WIPF2: variants seen among roughly 807,000 people sequenced by gnomAD.
The protein encoded by WIPF2 is WAS/WASL interacting protein family member 2.
A neutral mutation model predicts 38.8 loss-of-function variants in WIPF2; 23 were observed. The ratio of observed to expected loss-of-function variants is 0.59; its 90% CI spans 0.43 to 0.84. The LOEUF (loss-of-function observed/expected upper bound fraction) is 0.84, where lower values mean the gene tolerates loss of function less well. WIPF2 is among the 40% of genes least tolerant of loss of function. The pLI is 0.00. For missense variants in WIPF2, 574 were observed against 580.5 expected (o/e 0.99, Z 0.11); for synonymous variants, 210 against 223.2 (o/e 0.94, Z 0.53).
chr17:40,251,610 A>AG (rs1291947425), intron 1 of WIPF2, among the ~76,000 whole-genome samples: 2 of 152,222 alleles, frequency 1.3e-5, no homozygotes, highest in Non-Finnish European at 2.9e-5. Context: ...ACTAATTTCC[A>AG]GGGGAGTTTT....
intron 1 of WIPF2, among the ~76,000 whole-genome samples, chr17:40,234,432 AAAACAAACAAAC>A (rs530530046): frequency 6.6e-6 from 1 of 151,486 alleles, no homozygotes; most frequent in African/African-American, 2.4e-5. Flanking sequence ...ACTCTGTCTC[AAAACAAACAAAC>A]AAACAAACAA....
chr17:40,226,206 AAAT>A (rs1354345042), intron 1 of WIPF2, among the ~76,000 whole-genome samples: 141 of 147,112 alleles, frequency 9.6e-4, no homozygotes, highest in African/African-American at 3.1e-3. Context: ...AAAAAAAAAA[AAAT>A]TTTTTTTTTT....
chr17:40,227,064 CAG>C (rs1567708332), intron 1 of WIPF2, among the ~76,000 whole-genome samples: 1 of 149,974 alleles, frequency 6.7e-6, no homozygotes, highest in African/African-American at 2.5e-5. Context: ...TTTTTTGAGA[CAG>C]AGTTTCACTG....
At chr17:40,250,275 A>G (rs7207344) in intron 1 of WIPF2, among the ~76,000 whole-genome samples, 118,585 of 118,596 alleles carry the variant, frequency 1, 59,287 homozygotes, top group Middle Eastern at 1. Context: ...TGTCAACCCA[A>G]GCTGGCGTGC....
chr17:40,240,760 C>T (rs1468965195), intron 1 of WIPF2, among the ~76,000 whole-genome samples: 2 of 151,610 alleles, frequency 1.3e-5, no homozygotes, highest in African/African-American at 2.4e-5. Context: ...CTGGCTAACA[C>T]AGTGAAACCC....
intron 6 of WIPF2, among the ~76,000 whole-genome samples, chr17:40,274,583 A>G (rs1219067941): frequency 4.1e-5 from 6 of 148,144 alleles, no homozygotes; most frequent in East Asian, 1.9e-4. Context: ...AAAAAAAAAA[A>G]AAAAAGAAAA....
intron 1 of WIPF2, among the ~76,000 whole-genome samples, chr17:40,224,927 T>G (rs1567707640): frequency 6.6e-6 from 1 of 151,898 alleles, no homozygotes; most frequent in Non-Finnish European, 1.5e-5. Flanking sequence ...CAAAGTAGGC[T>G]CTTGTTGCTA....
intron 1 of WIPF2, among the ~76,000 whole-genome samples, chr17:40,227,752 C>G (rs1469876869): frequency 1.3e-5 from 2 of 151,898 alleles, no homozygotes; most frequent in African/African-American, 4.8e-5. Flanking sequence ...ACTCGGGAGG[C>G]TGAGGCACAA....
intron 2 of WIPF2, among the ~76,000 whole-genome samples, chr17:40,258,027 C>T (rs2031783238): frequency 6.6e-6 from 1 of 152,132 alleles, no homozygotes; most frequent in Admixed American, 6.6e-5. Context: ...AGTTTTTAGA[C>T]ATTTTGTTTT....
In WIPF2 at chr17:40,260,521, C is replaced by A; in HGVS notation, c.64-14C>A. 1 of 1,613,240 alleles carries A rather than the reference C, an allele frequency of 6.2e-7. No homozygotes were observed. Among genetic ancestry groups the A allele is most frequent in the Non-Finnish European group, 8.5e-7 (1 of 1,179,640 alleles). ...AACTCTTTAGGGTGAACTTATATTT[C>A]TCTTATCCTCCAGGCAAACACAGAG... is the stretch of plus-strand genomic sequence containing the variant. On this transcript the variant is annotated splice_polypyrimidine_tract_variant and intron_variant, in intron 2 of 7. Transcript: ENST00000323571.
chr17:40,246,586 A>G (rs1269557281), intron 1 of WIPF2, among the ~76,000 whole-genome samples: 1 of 148,472 alleles, frequency 6.7e-6, no homozygotes, highest in Non-Finnish European at 1.5e-5. Context: ...TTTAGTAGAG[A>G]TGGTTTCACT....
At chr17:40,223,753 A>G (rs1311053963) in intron 1 of WIPF2, among the ~76,000 whole-genome samples, 2 of 151,538 alleles carry the variant, frequency 1.3e-5, no homozygotes, top group African/African-American at 2.4e-5. Flanking sequence ...ACGCCTGGCT[A>G]ATTTTTGTAT....
chr17:40,269,609 T>G (rs1171039798), intron 5 of WIPF2, among the ~76,000 whole-genome samples: 2 of 138,638 alleles, frequency 1.4e-5, no homozygotes, highest in African/African-American at 5.3e-5. Flanking sequence ...TCTTTTTTTT[T>G]TTTTTTTTTT....
intron 1 of WIPF2, among the ~76,000 whole-genome samples, chr17:40,254,523 C>G (rs2031660384): frequency 6.6e-6 from 1 of 151,944 alleles, no homozygotes; most frequent in South Asian, 2.1e-4. Flanking sequence ...TTCTTGAGTT[C>G]TGGTTTTAGT....
At chr17:40,224,406 ATT>A (rs67838907) in intron 1 of WIPF2, among the ~76,000 whole-genome samples, 9 of 89,120 alleles carry the variant, frequency 1.0e-4, no homozygotes, top group Admixed American at 3.6e-4. Flanking sequence ...GATTTTTTGT[ATT>A]TTTTTTTTTT....
intron 5 of WIPF2, among the ~76,000 whole-genome samples, chr17:40,269,051 GCTC>G (rs2032173586): frequency 6.6e-6 from 1 of 152,050 alleles, no homozygotes; most frequent in South Asian, 2.1e-4. Flanking sequence ...GGGTGCAGTG[GCTC>G]ACGCCTGTAA....
chr17:40,228,929 G>A (rs538100951), intron 1 of WIPF2, among the ~76,000 whole-genome samples: 9 of 151,502 alleles, frequency 5.9e-5, no homozygotes, highest in Admixed American at 1.3e-4. Context: ...TTCCACTTAC[G>A]GTGGAAGACT....
intron 5 of WIPF2, among the ~76,000 whole-genome samples, chr17:40,271,250 A>G (rs1293486982): frequency 6.6e-6 from 1 of 152,244 alleles, no homozygotes; most frequent in African/African-American, 2.4e-5. Context: ...TGTTGGGATT[A>G]CAGATGTGAG....
chr17:40,252,394 T>C (rs975107067), intron 1 of WIPF2, among the ~76,000 whole-genome samples: 4 of 152,302 alleles, frequency 2.6e-5, no homozygotes, highest in African/African-American at 9.6e-5. Flanking sequence ...CCGGGCATGG[T>C]GGCTCACCCC....
Sources: allele counts gnomAD v4.1 joint callset (sites outside exome capture counted in the v4.1 genomes callset), GRCh38; gene constraint gnomAD v4.1.1; transcripts MANE v1.5; gene names NCBI Gene and HGNC (gene_info 2026-07-23, HGNC 2026-07-21).